The following KCNK2 variants were observed in gnomAD, a reference collection of about 807,000 sequenced individuals.
The protein encoded by KCNK2 is potassium two pore domain channel subfamily K member 2, also known as potassium channel subfamily K member 2.
A neutral mutation model predicts 40.5 loss-of-function variants in KCNK2; 21 were observed. The ratio of observed to expected loss-of-function variants is 0.52; its 90% CI spans 0.37 to 0.75. The LOEUF is 0.75. Among genes scored for constraint, KCNK2 ranks in the 30% least tolerant of loss-of-function variants. KCNK2 has a pLI of 0.00. For missense variants in KCNK2, 399 were observed against 531.6 expected (o/e 0.75, Z 2.45); for synonymous variants, 191 against 202.2 (o/e 0.94, Z 0.47).
At chr1:215,111,366 A>G (rs913991241) in intron 2 of KCNK2, among the ~76,000 whole-genome samples, 3 of 152,148 alleles carry the variant, frequency 2.0e-5, no homozygotes, top group African/African-American at 7.2e-5. Flanking sequence ...GGTGTTATAT[A>G]TGACTATTAT....
intron 2 of KCNK2, among the ~76,000 whole-genome samples, chr1:215,096,680 C>A (rs1444959458): frequency 6.6e-6 from 1 of 151,984 alleles, no homozygotes; most frequent in Non-Finnish European, 1.5e-5. Flanking sequence ...TGACATGGAC[C>A]ATTTTGAATT....
At chr1:215,197,938 G>A (rs1185295019) in intron 6 of KCNK2, among the ~76,000 whole-genome samples, 3 of 152,142 alleles carry the variant, frequency 2.0e-5, no homozygotes, top group African/African-American at 4.8e-5. Context: ...GGCGAAGGTT[G>A]CAGTGAGCAG....
At chr1:215,145,088 A>G (rs1662356099) in intron 3 of KCNK2, among the ~76,000 whole-genome samples, 1 of 152,126 alleles carries the variant, frequency 6.6e-6, no homozygotes, top group Non-Finnish European at 1.5e-5. Context: ...CAGGAGAGAA[A>G]GTGCTATCAT....
chr1:215,077,514 T>G (rs1558079254), intron 1 of KCNK2, among the ~76,000 whole-genome samples: 1 of 152,336 alleles, frequency 6.6e-6, no homozygotes, highest in East Asian at 1.9e-4. Flanking sequence ...GTTCACCTTC[T>G]ACCTGTTCTG....
chr1:215,093,614 A>C (rs183315408), intron 2 of KCNK2, among the ~76,000 whole-genome samples: 555 of 103,410 alleles, frequency 5.4e-3, no homozygotes, highest in African/African-American at 0.01. Flanking sequence ...AGTATATATA[A>C]TATATAATAT....
At chr1:215,070,134 G>A (rs531690228) in intron 1 of KCNK2, among the ~76,000 whole-genome samples, 8 of 152,214 alleles carry the variant, frequency 5.3e-5, no homozygotes, top group African/African-American at 1.9e-4. Context: ...GTTTAGGTTG[G>A]GCACGGTGGC....
intron 3 of KCNK2, among the ~76,000 whole-genome samples, chr1:215,141,948 G>C (rs1358292438): frequency 1.3e-5 from 2 of 151,912 alleles, no homozygotes; most frequent in Non-Finnish European, 2.9e-5. Context: ...AAAATTTTCT[G>C]TTGCTTTCGT....
At chr1:215,044,832 C>CGT in intron 1 of KCNK2, among the ~76,000 whole-genome samples, 1 of 140,606 alleles carries the variant, frequency 7.1e-6, no homozygotes, top group Non-Finnish European at 1.6e-5. Flanking sequence ...TGTGTGCGCG[C>CGT]GCACACGTGT....
intron 2 of KCNK2, among the ~76,000 whole-genome samples, chr1:215,089,928 G>A (rs1659621702): frequency 6.6e-6 from 1 of 151,222 alleles, no homozygotes; most frequent in African/African-American, 2.4e-5. Context: ...TTGGGTTCAA[G>A]TGATTCTCCT....
intron 3 of KCNK2, among the ~76,000 whole-genome samples, chr1:215,132,956 A>G (rs1558105973): frequency 6.6e-6 from 1 of 152,204 alleles, no homozygotes; most frequent in Non-Finnish European, 1.5e-5. Context: ...AGTACCCAGA[A>G]TCCTGTGCTA....
At chr1:215,136,108 T>C (rs965547016) in intron 3 of KCNK2, among the ~76,000 whole-genome samples, 2 of 151,674 alleles carry the variant, frequency 1.3e-5, no homozygotes, top group Non-Finnish European at 1.5e-5. Flanking sequence ...TGTTACCACC[T>C]TTTTTTTACT....
intron 1 of KCNK2, among the ~76,000 whole-genome samples, chr1:215,085,787 A>C (rs531262534): frequency 6.6e-6 from 1 of 152,224 alleles, no homozygotes; most frequent in Non-Finnish European, 1.5e-5. Context: ...CGAGTGGTTT[A>C]TTTACCACCA....
rs535627645 is a variant in KCNK2, at chr1:215,032,381, C to T, written c.34+26426C>T. On this transcript the variant is annotated intron_variant, in intron 1 of 6. Coordinates refer to the KCNK2 transcript ENST00000391895. Reference sequence around the variant, plus strand: ...TGTGATCATGCCACTGTACTCCAGCCTGGGTGACAGAGTGAGATCCCATCT... The same window carrying T: ...TGTGATCATGCCACTGTACTCCAGCTTGGGTGACAGAGTGAGATCCCATCT... Among the ~76,000 whole-genome samples the T allele has an allele frequency of 2.0e-5, 3 of 152,128 alleles. 1 individual carries two copies. The highest frequency in any genetic ancestry group is 2.0e-4 in the Admixed American group (3 of 15,278).
At chr1:215,059,829 G>C (rs552980078) in intron 1 of KCNK2, among the ~76,000 whole-genome samples, 30 of 152,296 alleles carry the variant, frequency 2.0e-4, no homozygotes, top group African/African-American at 7.0e-4. Context: ...TCTCTCCTCT[G>C]GTCTGAACCC....
chr1:215,116,119 A>G (rs1329612728), intron 2 of KCNK2, among the ~76,000 whole-genome samples: 1 of 152,056 alleles, frequency 6.6e-6, no homozygotes, highest in African/African-American at 2.4e-5. Flanking sequence ...GGTTTACTCA[A>G]TAATAGAGGA....
intron 6 of KCNK2, among the ~76,000 whole-genome samples, chr1:215,227,332 G>C (rs532555596): frequency 1.3e-5 from 2 of 152,278 alleles, no homozygotes; most frequent in Non-Finnish European, 2.9e-5. Flanking sequence ...AGGATGTCCA[G>C]TTTAACATGA....
At chr1:215,128,015 G>A (rs894033171) in intron 3 of KCNK2, among the ~76,000 whole-genome samples, 1 of 152,190 alleles carries the variant, frequency 6.6e-6, no homozygotes, top group Non-Finnish European at 1.5e-5. Flanking sequence ...ACATAGATCA[G>A]TCAGGGAGAA....
intron 1 of KCNK2, chr1:215,083,681 C>A: frequency 1.7e-6 from 1 of 578,036 alleles, no homozygotes; most frequent in South Asian, 2.1e-5. Context: ...GTTTGGAACA[C>A]CTTGGGGGAG....
chr1:215,132,079 T>C (rs139782047), intron 3 of KCNK2, among the ~76,000 whole-genome samples: 68 of 152,308 alleles, frequency 4.5e-4, no homozygotes, highest in Middle Eastern at 3.4e-3. Context: ...CAATTCCAGA[T>C]AAAAAGGAGT....
Sources: allele counts gnomAD v4.1 joint callset (sites outside exome capture counted in the v4.1 genomes callset), GRCh38; gene constraint gnomAD v4.1.1; transcripts MANE v1.5; gene names NCBI Gene and HGNC (gene_info 2026-07-23, HGNC 2026-07-21).